ERBB4: variants seen among roughly 807,000 people sequenced by gnomAD.
The protein encoded by ERBB4 is receptor tyrosine-protein kinase erbB-4.
Under a neutral mutation model 158.0 loss-of-function variants are expected in ERBB4, and 42 were observed. The observed-to-expected ratio is 0.27, with a 90% confidence interval of 0.21 to 0.34. The LOEUF is 0.34. Among genes scored for constraint, ERBB4 ranks in the 10% least tolerant of loss-of-function variants. The probability of loss-of-function intolerance (pLI) is 1.00; values close to 1 mark genes in which losing one functional copy is unlikely to be tolerated. For missense variants in ERBB4, 1,333 were observed against 1,624.1 expected (o/e 0.82, Z 3.08); for synonymous variants, 583 against 558.7 (o/e 1.04, Z -0.61).
At chr2:212,071,558 A>G (rs1210816730) in intron 2 of ERBB4, among the ~76,000 whole-genome samples, 1 of 152,008 alleles carries the variant, frequency 6.6e-6, no homozygotes, top group Non-Finnish European at 1.5e-5. Context: ...TTCTATCACC[A>G]TTGAAATCAT....
intron 1 of ERBB4, among the ~76,000 whole-genome samples, chr2:212,408,749 A>AT (rs1485507421): frequency 2.6e-5 from 4 of 152,126 alleles, no homozygotes; most frequent in Non-Finnish European, 5.9e-5. Context: ...GAATATTAGG[A>AT]TTTTTTCAAA....
chr2:211,796,011 G>A (rs556854476), intron 3 of ERBB4, among the ~76,000 whole-genome samples: 1 of 151,814 alleles, frequency 6.6e-6, no homozygotes, highest in African/African-American at 2.4e-5. Context: ...AGCTTTTTAA[G>A]AAACTTTTTA....
intron 4 of ERBB4, among the ~76,000 whole-genome samples, chr2:211,780,761 A>C (rs2076013823): frequency 6.6e-6 from 1 of 151,602 alleles, no homozygotes; most frequent in Non-Finnish European, 1.5e-5. Flanking sequence ...AAGTGATCTT[A>C]AGTTCTTTTG....
chr2:211,825,159 T>C (rs1477825379), intron 3 of ERBB4, among the ~76,000 whole-genome samples: 1 of 151,912 alleles, frequency 6.6e-6, no homozygotes, highest in Admixed American at 6.6e-5. Context: ...CACTTTTTTT[T>C]CAGTAGAATA....
chr2:211,424,173 A>T lies in ERBB4; in HGVS notation c.2848T>A (p.Tyr950Asn). The change falls in exon 23 of 28, where the codon TAC (tyrosine) becomes AAC (asparagine). Residue 950 changes from tyrosine (Y) to asparagine (N), a missense_variant. Tyr to Asn is a moderately radical substitution (Grantham distance 143). Around this residue, in one of 5 missense-constraint regions of ERBB4, gnomAD observed 314 missense variants for 437.6 expected, o/e 0.72. Coordinates refer to ENST00000342788, the MANE Select transcript of ERBB4 (RefSeq NM_005235.3). ...GTCTTACATTTGACCATGACCATGTAAACGTCAATAGTGCAGATGGGAGGC... is the reference window on the plus strand; with the variant it reads ...GTCTTACATTTGACCATGACCATGTTAACGTCAATAGTGCAGATGGGAGGC... ...PQPPICTIDV[Y>N]MVMVKCWMID... 6.2e-7 allele frequency: 1 copy of T among 1,613,346 alleles called. No individual in the cohort carries two copies. Among genetic ancestry groups the T allele is most frequent in the Non-Finnish European group, 8.5e-7 (1 of 1,179,456 alleles).
At chr2:212,382,042 T>G (rs945295642) in intron 1 of ERBB4, among the ~76,000 whole-genome samples, 4 of 150,976 alleles carry the variant, frequency 2.6e-5, no homozygotes, top group African/African-American at 9.7e-5. Context: ...ATACAGAATT[T>G]TAGACACCTC....
intron 2 of ERBB4, among the ~76,000 whole-genome samples, chr2:212,001,305 G>C (rs926816499): frequency 6.6e-6 from 1 of 152,016 alleles, no homozygotes; most frequent in African/African-American, 2.4e-5. Context: ...ATTCCTTAAA[G>C]TTTAGCTATG....
At chr2:211,428,743 G>A (rs2063689136) in intron 21 of ERBB4, among the ~76,000 whole-genome samples, 1 of 151,098 alleles carries the variant, frequency 6.6e-6, no homozygotes, top group African/African-American at 2.4e-5. Flanking sequence ...TTTGAGACAG[G>A]GTCTCACTCT....
chr2:211,956,692 T>C (rs186154817), intron 2 of ERBB4, among the ~76,000 whole-genome samples: 2 of 152,222 alleles, frequency 1.3e-5, no homozygotes, highest in African/African-American at 4.8e-5. Context: ...AGTTTAGGAA[T>C]GGTAAACAAT....
intron 3 of ERBB4, among the ~76,000 whole-genome samples, chr2:211,879,721 A>G (rs2078610447): frequency 6.6e-6 from 1 of 152,168 alleles, no homozygotes; most frequent in South Asian, 2.1e-4. Context: ...TATAATAGTA[A>G]AAAACTAGAA....
At chr2:212,096,550 A>C (rs959455761) in intron 2 of ERBB4, among the ~76,000 whole-genome samples, 1 of 152,194 alleles carries the variant, frequency 6.6e-6, no homozygotes, top group Non-Finnish European at 1.5e-5. Flanking sequence ...CTGAGGGCTC[A>C]CATTTCCTCA....
Position 211,580,881 on chromosome 2 carries a change from ATATAT to A in ERBB4, c.2302-18798_2302-18794del, listed in dbSNP as rs1559317755. 5.0e-3 allele frequency among the ~76,000 whole-genome samples: 14 copies of A among 2,802 alleles called. 1 individual carries two copies. The highest frequency in any genetic ancestry group is 0.015 in the African/African-American group (14 of 924). 1.8% of individuals were successfully genotyped at this position (2,802 alleles called of 152,430 possible). A position where few individuals can be genotyped will look rare whatever the true frequency, so the allele number is the denominator to read the frequency against. ...TATGCATATACATATATATATATATATATATATATATATATATATATATATATATA... is the reference window on the plus strand; with the variant it reads ...TATGCATATACATATATATATATATAATATATATATATATATATATATATA... On this transcript the variant is annotated intron_variant, in intron 19 of 27. Coordinates refer to ENST00000342788, the MANE Select transcript of ERBB4 (RefSeq NM_005235.3).
intron 20 of ERBB4, among the ~76,000 whole-genome samples, chr2:211,435,664 C>T (rs1027873441): frequency 1.3e-5 from 2 of 152,242 alleles, no homozygotes; most frequent in East Asian, 1.9e-4. Flanking sequence ...ACTGTGCATG[C>T]GAGCGATCTA....
intron 3 of ERBB4, among the ~76,000 whole-genome samples, chr2:211,813,139 A>T (rs1206312485): frequency 6.6e-6 from 1 of 152,180 alleles, no homozygotes; most frequent in Non-Finnish European, 1.5e-5. Context: ...TCACGCTGGG[A>T]GCTGCAGACC....
intron 1 of ERBB4, among the ~76,000 whole-genome samples, chr2:212,415,143 C>T (rs538213605): frequency 3.9e-5 from 6 of 152,186 alleles, no homozygotes; most frequent in African/African-American, 1.2e-4. Context: ...ACGTCACTTA[C>T]GTACTTTGGT....
chr2:211,814,562 G>A (rs2076834947), intron 3 of ERBB4, among the ~76,000 whole-genome samples: 1 of 151,744 alleles, frequency 6.6e-6, no homozygotes, highest in South Asian at 2.1e-4. Flanking sequence ...CCAAATTACA[G>A]TCTTATTAAG....
chr2:211,530,757 G>A (rs1559265210), intron 20 of ERBB4, among the ~76,000 whole-genome samples: 2 of 152,076 alleles, frequency 1.3e-5, no homozygotes, highest in South Asian at 4.1e-4. Context: ...AGGCCTGGTG[G>A]TGTGTGCTTG....
At position 211,993,630 on chromosome 2, in the gene ERBB4, T is replaced by TA. The variant is rs534026275; in HGVS notation, c.235-46015dup. 6.3e-3 allele frequency among the ~76,000 whole-genome samples: 949 copies of TA among 149,970 alleles called. 13 individuals carry two copies. The highest frequency in any genetic ancestry group is 0.021 in the African/African-American group (865 of 40,964). ...ATTTTTCTAATGTACTAAAGAAAAT[T>TA]AAAAAAAAACAGGGATAGTAAAGAA... On this transcript the variant is annotated intron_variant, in intron 2 of 27. Coordinates refer to ENST00000342788, the MANE Select transcript of ERBB4 (RefSeq NM_005235.3).
intron 3 of ERBB4, among the ~76,000 whole-genome samples, chr2:211,861,134 A>ATATTTTATATATATATATATAT (rs1553648457): frequency 1.8e-5 from 1 of 54,086 alleles, no homozygotes; most frequent in African/African-American, 7.5e-5. Flanking sequence ...TTATATATAT[A>ATATTTTATATATATATATATAT]TATATATATA....
Sources: allele counts gnomAD v4.1 joint callset (sites outside exome capture counted in the v4.1 genomes callset), GRCh38; gene constraint gnomAD v4.1.1; regional missense constraint gnomAD v4.1.1; transcripts MANE v1.5; gene names NCBI Gene and HGNC (gene_info 2026-07-23, HGNC 2026-07-21).